The following HMCN1 variants were observed in gnomAD, a reference collection of about 807,000 sequenced individuals.
HMCN1 encodes hemicentin 1.
HMCN1 carries 321 observed loss-of-function variants against 625.9 expected under a neutral mutation model. The observed-to-expected ratio is 0.51, with a 90% CI of 0.47 to 0.56. The LOEUF (loss-of-function observed/expected upper bound fraction) is 0.56, where lower values mean the gene tolerates loss of function less well. Among genes scored for constraint, HMCN1 ranks in the 20% least tolerant of loss-of-function variants. The probability of loss-of-function intolerance (pLI) is 0.00; values close to 1 mark genes in which losing one functional copy is unlikely to be tolerated. For missense variants in HMCN1, 6,588 were observed against 6,887.3 expected (o/e 0.96, Z 1.54); for synonymous variants, 2,425 against 2,417.6 (o/e 1.00, Z -0.09).
At chr1:186,175,055 G>T (rs889677772) in intron 103 of HMCN1, among the ~76,000 whole-genome samples, 1 of 152,058 alleles carries the variant, frequency 6.6e-6, no homozygotes, top group African/African-American at 2.4e-5. Flanking sequence ...TATTAAAATA[G>T]GGACACACAA....
At chr1:185,828,371 T>C (rs2102283145) in intron 1 of HMCN1, among the ~76,000 whole-genome samples, 1 of 152,248 alleles carries the variant, frequency 6.6e-6, no homozygotes, top group East Asian at 1.9e-4. Flanking sequence ...TTTATAAAGA[T>C]TGAGACATTC....
intron 1 of HMCN1, among the ~76,000 whole-genome samples, chr1:185,833,656 C>G (rs1043265050): frequency 6.6e-6 from 1 of 152,060 alleles, no homozygotes; most frequent in African/African-American, 2.4e-5. Flanking sequence ...TCATAGGCAG[C>G]ATTAGAGACA....
In HMCN1 at chr1:185,933,834, T is replaced by A; in HGVS notation, c.1828+10T>A. 6.2e-7 allele frequency: 1 copy of A among 1,611,456 alleles called. No individual in the cohort carries two copies. The highest frequency in any genetic ancestry group is 8.5e-7 in the Non-Finnish European group (1 of 1,178,116). ...TTCCTCACAGTGCAAGGTACAGTGCTTTGGTAACTTCTGAATTATGACATC... is the reference window on the plus strand; with the variant it reads ...TTCCTCACAGTGCAAGGTACAGTGCATTGGTAACTTCTGAATTATGACATC... On this transcript the variant is annotated intron_variant, in intron 11 of 106. Coordinates refer to ENST00000271588, the MANE Select transcript of HMCN1 (RefSeq NM_031935.3).
chr1:185,933,786 G>A lies in HMCN1; in HGVS notation c.1790G>A (p.Gly597Asp). 6.2e-7 allele frequency: 1 copy of A among 1,613,954 alleles called. No homozygotes were observed. The highest frequency in any genetic ancestry group is 8.5e-7 in the Non-Finnish European group (1 of 1,179,862). The change falls in exon 11 of 107, where the codon GGT becomes GAT. Residue 597 changes from glycine (G) to aspartate (D), a missense_variant. This residue lies in a region of HMCN1 where 4,628 missense variants were observed against 4,853.1 expected (regional missense o/e 0.95). Transcript: ENST00000271588. ...TATCATTGTATGGTTTCTAGTGAAGGTGGATCATCAGCCGCTTCAGTTTTC... is the reference window on the plus strand; with the variant it reads ...TATCATTGTATGGTTTCTAGTGAAGATGGATCATCAGCCGCTTCAGTTTTC... ...GEYHCMVSSEGGSSAASVFLT... is the reference protein window; with the variant it reads ...GEYHCMVSSEDGSSAASVFLT...
intron 106 of HMCN1, among the ~76,000 whole-genome samples, chr1:186,189,180 A>AAT (rs1653554803): frequency 6.6e-6 from 1 of 152,208 alleles, no homozygotes; most frequent in Non-Finnish European, 1.5e-5. Flanking sequence ...ACTTGTTTCC[A>AAT]ATATATATGC....
chr1:186,136,963 T>C (rs1649643845), intron 87 of HMCN1, 26 bp downstream of exon 87: 1 of 1,609,978 alleles, frequency 6.2e-7, no homozygotes, highest in African/African-American at 1.3e-5. Context: ...GGAATATTCA[T>C]AGTAAACAGT....
chr1:185,942,845 G>C (rs946760020), intron 11 of HMCN1, among the ~76,000 whole-genome samples: 3 of 151,886 alleles, frequency 2.0e-5, no homozygotes, highest in African/African-American at 7.3e-5. Context: ...ATAAATCAAG[G>C]GTTCCCATAA....
chr1:185,872,040 A>G (rs1663650878), intron 4 of HMCN1, among the ~76,000 whole-genome samples: 1 of 152,240 alleles, frequency 6.6e-6, no homozygotes, highest in South Asian at 2.1e-4. Flanking sequence ...TTGAAAATGT[A>G]TCAGGGACAA....
In HMCN1 at chr1:186,053,841, T is replaced by C. The variant is rs1657130076; in HGVS notation, c.6717T>C (p.Thr2239=). The C allele has an allele frequency of 1.2e-6, 2 of 1,612,668 alleles. No homozygotes were observed. Among genetic ancestry groups the C allele is most frequent in the Admixed American group, 3.3e-5 (2 of 59,830 alleles). The stretch of plus-strand genomic sequence containing the variant: ...TCTTTGTAGGCTCTCCAGTGCTGAC[T>C]GATTCCATGGGGCGAGTTAGAATTT... ...IWKKKGSPVL[T]DSMGRVRILS... is the part of the protein sequence containing the mutation. Residue 2239 remains threonine (T), a synonymous_variant, in exon 44 of 107, where the codon ACT becomes ACC. Transcript: ENST00000271588.
In HMCN1 at chr1:185,965,698, G is replaced by A. The variant is rs1650355099; in HGVS notation, c.2099-104G>A. On this transcript the variant is annotated intron_variant, in intron 13 of 106. Transcript: ENST00000271588. ...CTTTCGGTTTATAAATATTGAAATG[G>A]CCACAAGCACATAAATTTTTAAATT... 4.0e-6 allele frequency: 3 copies of A among 750,164 alleles called. No individual in the cohort carries two copies. In the Middle Eastern group the frequency reaches 6.9e-4, roughly 172 times the overall value. 46.5% of individuals were successfully genotyped at this position (750,164 alleles called of 1,614,324 possible).
At chr1:185,743,185 A>C (rs1654104089) in intron 1 of HMCN1, among the ~76,000 whole-genome samples, 1 of 152,204 alleles carries the variant, frequency 6.6e-6, no homozygotes, top group South Asian at 2.1e-4. Flanking sequence ...CACAATAGAC[A>C]CTCAAGAAAT....
chr1:186,090,944 A>C (rs1341434319), intron 64 of HMCN1, 27 bp downstream of exon 64: 1 of 1,602,570 alleles, frequency 6.2e-7, no homozygotes, highest in Admixed American at 1.7e-5. Flanking sequence ...TCTTTCCATT[A>C]TAAATTGTAA....
At chr1:186,156,979 GATT>G (rs1240135623) in intron 97 of HMCN1, among the ~76,000 whole-genome samples, 3 of 152,136 alleles carry the variant, frequency 2.0e-5, no homozygotes, top group African/African-American at 7.2e-5. Flanking sequence ...ACCCGTGGGT[GATT>G]ATAAGAAAAT....
intron 11 of HMCN1, among the ~76,000 whole-genome samples, chr1:185,951,953 A>G (rs1249419296): frequency 1.3e-5 from 2 of 151,748 alleles, no homozygotes; most frequent in African/African-American, 2.4e-5. Context: ...GAGGGCCGGA[A>G]TTTAATTTTT....
At chr1:185,878,060 T>A (rs560682125) in intron 4 of HMCN1, among the ~76,000 whole-genome samples, 1 of 152,188 alleles carries the variant, frequency 6.6e-6, no homozygotes, top group South Asian at 2.1e-4. Context: ...TTTAATGTTA[T>A]TGATGAATAG....
chr1:186,177,291 G>A (rs904855355), intron 103 of HMCN1: 1 of 118,808 alleles, frequency 8.4e-6, no homozygotes, highest in Non-Finnish European at 1.7e-5. Flanking sequence ...GGGCAACAGA[G>A]CAACTCCATC....
At chr1:185,792,880 T>C (rs1356386081) in intron 1 of HMCN1, among the ~76,000 whole-genome samples, 2 of 152,222 alleles carry the variant, frequency 1.3e-5, no homozygotes, top group Non-Finnish European at 2.9e-5. Context: ...TAAAAATGGG[T>C]GATTATTAAT....
Position 186,015,952 on chromosome 1 carries a change from C to G in HMCN1, c.4910-6C>G. On this transcript the variant is annotated splice_region_variant and splice_polypyrimidine_tract_variant and intron_variant, in intron 31 of 106. Transcript: ENST00000271588. ...TTGCCTGAAATATTGCTATGTTTCTCCCTAGTTCCTCCAATGATTGAAGGC... is the reference window on the plus strand; with the variant it reads ...TTGCCTGAAATATTGCTATGTTTCTGCCTAGTTCCTCCAATGATTGAAGGC... 6.2e-7 allele frequency: 1 copy of G among 1,611,442 alleles called. No homozygotes were observed. The highest frequency in any genetic ancestry group is 1.1e-5 in the South Asian group (1 of 90,984).
chr1:186,167,126 AT>A (rs1651930317), intron 100 of HMCN1, among the ~76,000 whole-genome samples, 184 bp downstream of exon 100: 1 of 152,180 alleles, frequency 6.6e-6, no homozygotes, highest in Non-Finnish European at 1.5e-5. Context: ...TTCATTTTAT[AT>A]GTTTTATAAG....
Sources: allele counts gnomAD v4.1 joint callset (sites outside exome capture counted in the v4.1 genomes callset), GRCh38; gene constraint gnomAD v4.1.1; regional missense constraint gnomAD v4.1.1; transcripts MANE v1.5; gene names NCBI Gene and HGNC (gene_info 2026-07-23, HGNC 2026-07-21).